KCNC2: variants seen among roughly 807,000 people sequenced by gnomAD.
KCNC2 encodes the protein potassium voltage-gated channel subfamily C member 2.
Under a neutral mutation model 44.5 loss-of-function variants are expected in KCNC2, and 21 were observed. That is an observed-to-expected ratio of 0.47 (90% CI 0.33 to 0.68). KCNC2 has a LOEUF of 0.68. Among genes scored for constraint, KCNC2 ranks in the 30% least tolerant of loss-of-function variants. KCNC2 has a pLI of 0.01. For missense variants in KCNC2, 589 were observed against 826.2 expected, an observed-to-expected ratio of 0.71 and a Z score of 3.52; for synonymous variants, 391 against 339.1, an observed-to-expected ratio of 1.15 and a Z score of -1.68.
At chr12:75,052,056 A>T (rs944265222) in intron 2 of KCNC2, among the ~76,000 whole-genome samples, 1 of 152,092 alleles carries the variant, frequency 6.6e-6, no homozygotes, top group Non-Finnish European at 1.5e-5. Flanking sequence ...AATTCAATTC[A>T]TTTCTTCAGC....
At position 75,043,009 on chromosome 12, in the gene KCNC2, G is replaced by A. The variant is rs1880084591; in HGVS notation, c.*96C>T. On this transcript the variant is annotated 3_prime_UTR_variant, in exon 5 of 5. Transcript: ENST00000549446. ...GCAAGATTTATACTGTATTAATGGAGCCTGGAGTAACTCTACATTTAATTA... is the reference window on the plus strand; with the variant it reads ...GCAAGATTTATACTGTATTAATGGAACCTGGAGTAACTCTACATTTAATTA... 1.9e-6 allele frequency: 3 copies of A among 1,549,654 alleles called. No homozygotes were observed. Among genetic ancestry groups the A allele is most frequent in the South Asian group, 2.5e-5 (2 of 79,810 alleles).
intron 2 of KCNC2, among the ~76,000 whole-genome samples, chr12:75,133,291 C>T (rs1443896506): frequency 1.3e-5 from 2 of 151,384 alleles, no homozygotes; most frequent in Admixed American, 6.6e-5. Context: ...TTGGAATATC[C>T]TCAACAAAAA....
intron 2 of KCNC2, among the ~76,000 whole-genome samples, chr12:75,166,416 A>C (rs1891454181): frequency 6.6e-6 from 1 of 150,630 alleles, no homozygotes; most frequent in Non-Finnish European, 1.5e-5. Flanking sequence ...GCAGAAGATC[A>C]AAATGGAAAG....
chr12:75,189,537 C>A (rs2029987203), intron 2 of KCNC2, among the ~76,000 whole-genome samples: 1 of 152,224 alleles, frequency 6.6e-6, no homozygotes, highest in Middle Eastern at 3.2e-3. Flanking sequence ...GAAAACACTT[C>A]TGTAAGTACC....
intron 2 of KCNC2, among the ~76,000 whole-genome samples, chr12:75,151,666 ATTATCATCTAC>A (rs1890403000): frequency 6.6e-6 from 1 of 151,770 alleles, no homozygotes; most frequent in Non-Finnish European, 1.5e-5. Flanking sequence ...AATTATTGGA[ATTATCATCTAC>A]TTATTTGATA....
At chr12:75,108,969 A>G (rs903709424) in intron 2 of KCNC2, among the ~76,000 whole-genome samples, 2 of 152,202 alleles carry the variant, frequency 1.3e-5, no homozygotes, top group Non-Finnish European at 2.9e-5. Flanking sequence ...TAAGTTGAAA[A>G]GTAAGAGAGT....
At chr12:75,050,061 A>G (rs1051483975) in intron 3 of KCNC2, among the ~76,000 whole-genome samples, 3 of 152,040 alleles carry the variant, frequency 2.0e-5, no homozygotes, top group African/African-American at 7.2e-5. Context: ...AATGGCCAAT[A>G]TCATACCATC....
At position 75,207,149 on chromosome 12, in the gene KCNC2, A is replaced by G; in HGVS notation, c.687+148T>C. The G allele has an allele frequency of 6.4e-6, 9 of 1,396,778 alleles. No individual in the cohort carries two copies. The highest frequency in any genetic ancestry group is 2.7e-5 in the East Asian group (1 of 37,488). The allele number at this position is 1,396,778 out of a possible 1,614,324, so 86.5% of individuals were successfully genotyped here. The stretch of plus-strand genomic sequence containing the variant: ...GCCGGGGTCCCTGGGTTTACCCTGC[A>G]AAGGATGAGCCTCTAACTGTATCGC... On this transcript the variant is annotated intron_variant, in intron 2 of 4. Coordinates refer to ENST00000549446, the MANE Select transcript of KCNC2 (RefSeq NM_139137.4). The surrounding 1 kb of genome is among the most constrained non-coding windows in gnomAD (Gnocchi z 4.1).
chr12:75,201,015 C>T (rs1593086071), intron 2 of KCNC2, among the ~76,000 whole-genome samples: 1 of 151,472 alleles, frequency 6.6e-6, no homozygotes, highest in East Asian at 1.9e-4. Context: ...ATCGGTTACC[C>T]TTGCAGGTGG....
chr12:75,185,406 G>T (rs1892870841), intron 2 of KCNC2, among the ~76,000 whole-genome samples: 1 of 152,126 alleles, frequency 6.6e-6, no homozygotes, highest in Non-Finnish European at 1.5e-5. Context: ...CATAGGAAGT[G>T]TTTGGGTCAT....
chr12:75,056,746 G>T (rs990480821), intron 2 of KCNC2, among the ~76,000 whole-genome samples: 1 of 151,896 alleles, frequency 6.6e-6, no homozygotes, highest in African/African-American at 2.4e-5. Flanking sequence ...AAATAAAAAT[G>T]TCTGTCTCTG....
chr12:75,121,085 T>C (rs1255942599), intron 2 of KCNC2, among the ~76,000 whole-genome samples: 1 of 152,200 alleles, frequency 6.6e-6, no homozygotes, highest in Admixed American at 6.5e-5. Context: ...TGTGTTTCCA[T>C]TCCTAACCCT....
chr12:75,199,387 G>T (rs1284946182), intron 2 of KCNC2, among the ~76,000 whole-genome samples: 1 of 151,816 alleles, frequency 6.6e-6, no homozygotes, highest in Non-Finnish European at 1.5e-5. Context: ...TTGGTATCAT[G>T]ATCAACTTTC....
chr12:75,056,836 A>T (rs2136969360), intron 2 of KCNC2, among the ~76,000 whole-genome samples: 1 of 152,178 alleles, frequency 6.6e-6, no homozygotes, highest in South Asian at 2.1e-4. Flanking sequence ...GTCTCCAAGG[A>T]ATCATGTTAA....
At chr12:75,106,101 CA>C (rs1478938873) in intron 2 of KCNC2, among the ~76,000 whole-genome samples, 1 of 151,996 alleles carries the variant, frequency 6.6e-6, no homozygotes, top group African/African-American at 2.4e-5. Flanking sequence ...TCTGAAAAAA[CA>C]AATGTTTCAA....
At chr12:75,081,921 C>A (rs764779936) in intron 2 of KCNC2, among the ~76,000 whole-genome samples, 6 of 152,046 alleles carry the variant, frequency 3.9e-5, no homozygotes, top group East Asian at 1.9e-4. Flanking sequence ...TCAACTCATA[C>A]CAAGAGTCTT....
At chr12:75,144,767 G>A (rs904624755) in intron 2 of KCNC2, among the ~76,000 whole-genome samples, 100 of 151,762 alleles carry the variant, frequency 6.6e-4, no homozygotes, top group African/African-American at 2.4e-3. Flanking sequence ...AACGTCACTG[G>A]GCCATCAAAA....
intron 2 of KCNC2, among the ~76,000 whole-genome samples, chr12:75,164,498 T>C (rs894360605): frequency 1.3e-5 from 2 of 151,732 alleles, no homozygotes; most frequent in African/African-American, 4.8e-5. Flanking sequence ...TTTCTGATAC[T>C]TTGCCAGTAG....
chr12:75,181,963 A>T (rs1389160238), intron 2 of KCNC2, among the ~76,000 whole-genome samples: 4 of 76,404 alleles, frequency 5.2e-5, no homozygotes, highest in African/African-American at 9.6e-5. Context: ...TTGTAGAGAC[A>T]AGGCTTCACC....
Sources: gnomAD v4.1 joint callset for allele counts (sites outside exome capture counted in the v4.1 genomes callset) on GRCh38, gnomAD v4.1.1 for gene constraint, Gnocchi (gnomAD v3.1) non-coding constraint, MANE v1.5 for transcripts, NCBI Gene and HGNC (gene_info 2026-07-23, HGNC 2026-07-21) for gene names.